SZT2: variants seen among roughly 807,000 people sequenced by gnomAD.
SZT2 encodes the protein SZT2 subunit of KICSTOR complex.
SZT2 carries 216 observed loss-of-function variants against 404.2 expected under a neutral mutation model. That is an observed-to-expected ratio of 0.53 (90% CI 0.48 to 0.60). The LOEUF is 0.60. Among genes scored for constraint, SZT2 ranks in the 20% least tolerant of loss-of-function variants. SZT2 has a pLI of 0.00. For missense variants in SZT2, 3,857 were observed against 4,459.2 expected, an observed-to-expected ratio of 0.86 and a Z score of 3.85; for synonymous variants, 1,693 against 1,749.9, an observed-to-expected ratio of 0.97 and a Z score of 0.81.
chr1:43,446,937 CT>C lies in SZT2; in HGVS notation c.9073-17del, dbSNP rs1455797455. The C allele has an allele frequency of 1.2e-6, 2 of 1,602,076 alleles. No homozygotes were observed. The highest frequency in any genetic ancestry group is 1.7e-5 in the Admixed American group (1 of 59,906). The stretch of plus-strand genomic sequence containing the variant: ...TGCAGCCATACCTTAACCCTGTCTC[CT>C]GCTGCTGCCTCCCCAGCTGTCCATG... On this transcript the variant is annotated splice_polypyrimidine_tract_variant and intron_variant, in intron 65 of 71. Transcript: ENST00000634258.
Position 43,420,669 on chromosome 1 carries a change from G to C in SZT2, c.1262-80G>C. ...GGCAGGACTGGGTTCCATGAGGTAG[G>C]TGGGGGTTTCAGATAGAACTCGATC... is the stretch of plus-strand genomic sequence containing the variant. On this transcript the variant is annotated intron_variant, in intron 9 of 71. Transcript: ENST00000634258. The surrounding 1 kb of genome is among the most constrained non-coding windows in gnomAD (Gnocchi z 5.1). 1.5e-6 allele frequency: 2 copies of C among 1,364,208 alleles called. No individual in the cohort carries two copies. The highest frequency in any genetic ancestry group is 2.5e-5 in the South Asian group (2 of 78,978). The allele number at this position is 1,364,208 out of a possible 1,614,324, so 84.5% of individuals were successfully genotyped here. A position where few individuals can be genotyped will look rare whatever the true frequency, so the allele number is the denominator to read the frequency against.
chr1:43,426,290 G>A lies in SZT2; in HGVS notation c.3044-78G>A. ...GAGGAGCCCATGAGGCTGAAGGAGG[G>A]GCCAGCTGGTCAGGGCTGAGCCGGG... On this transcript the variant is annotated intron_variant, in intron 21 of 71. Transcript: ENST00000634258. This position sits in a 1 kb window ranked among gnomAD's most constrained non-coding sequence, Gnocchi z 4.9. 6.7e-7 allele frequency: 1 copy of A among 1,499,710 alleles called. No individual in the cohort carries two copies. The highest frequency in any genetic ancestry group is 8.9e-7 in the Non-Finnish European group (1 of 1,121,976). 92.9% of individuals were successfully genotyped at this position (1,499,710 alleles called of 1,614,324 possible). A position where few individuals can be genotyped will look rare whatever the true frequency, so the allele number is the denominator to read the frequency against.
Position 43,439,241 on chromosome 1 carries a change from C to A in SZT2, c.6793-117C>A. 6.6e-7 allele frequency: 1 copy of A among 1,515,536 alleles called. No homozygotes were observed. The highest frequency in any genetic ancestry group is 9.1e-7 in the Non-Finnish European group (1 of 1,096,504). The allele number at this position is 1,515,536 out of a possible 1,614,324, so 93.9% of individuals were successfully genotyped here. A position where few individuals can be genotyped will look rare whatever the true frequency, so the allele number is the denominator to read the frequency against. ...CCCCCCGGGGACCATTATTACCCGC[C>A]TGTGTCTTCTCATGCTCCCATATCT... On this transcript the variant is annotated intron_variant, in intron 48 of 71. Transcript: ENST00000634258. The surrounding 1 kb of genome is among the most constrained non-coding windows in gnomAD (Gnocchi z 4.2).
intron 27 of SZT2, 29 bp downstream of exon 27, chr1:43,428,147 G>A (rs1230898160): frequency 6.2e-7 from 1 of 1,611,892 alleles, no homozygotes; most frequent in African/African-American, 1.3e-5. Context: ...GGAGGGAGGA[G>A]TGGGGCCCTG....
At chr1:43,443,109 C>T in intron 59 of SZT2, 23 bp downstream of exon 59, 1 of 1,611,624 alleles carries the variant, frequency 6.2e-7, no homozygotes, top group Non-Finnish European at 8.5e-7. Context: ...GGCCAGGCAG[C>T]AGGGACAGGA....
Position 43,432,321 on chromosome 1 carries a change from A to G in SZT2, c.5324A>G (p.Asp1775Gly). 1.9e-6 allele frequency: 3 copies of G among 1,602,432 alleles called. No individual in the cohort carries two copies. Among genetic ancestry groups the G allele is most frequent in the Non-Finnish European group, 2.6e-6 (3 of 1,175,246 alleles). The part of the protein sequence containing the change: ...LPGHVLLEDP[D>G]SGFFFVAAGQ... The stretch of plus-strand genomic sequence containing the variant: ...GGCCATGTTCTTCTTGAAGACCCTG[A>G]CAGTGGCTTCTTCTTTGTGGCAGCT... The change falls in exon 37 of 72, where the codon GAC (aspartate) becomes GGC (glycine). Residue 1775 changes from aspartate (D) to glycine (G), a missense_variant. Around this residue, in one of 7 missense-constraint regions of SZT2, gnomAD observed 1,725 missense variants for 1,881.0 expected, o/e 0.92. Coordinates refer to ENST00000634258, the MANE Select transcript of SZT2 (RefSeq NM_001365999.1).
chr1:43,437,862 C>T lies in SZT2; in HGVS notation c.6468C>T (p.Asp2156=). The T allele has an allele frequency of 6.2e-7, 1 of 1,614,198 alleles. No individual in the cohort carries two copies. Among genetic ancestry groups the T allele is most frequent in the Admixed American group, 1.7e-5 (1 of 60,024 alleles). The part of the protein sequence containing the change: ...SDAARPVGQV[D]RHIQLLVHGV... ...CTGCTCGTCCTGTGGGCCAAGTGGACAGACATATCCAGCTGCTGGTCCATG... is the reference window on the plus strand; with the variant it reads ...CTGCTCGTCCTGTGGGCCAAGTGGATAGACATATCCAGCTGCTGGTCCATG... Residue 2156 remains aspartate, a synonymous_variant, in exon 46 of 72, where the codon GAC becomes GAT. Transcript: ENST00000634258. The surrounding 1 kb of genome is among the most constrained non-coding windows in gnomAD (Gnocchi z 5.3).
intron 28 of SZT2, chr1:43,428,755 C>T (rs1653494686): frequency 4.3e-6 from 2 of 466,458 alleles, no homozygotes; most frequent in Non-Finnish European, 7.8e-6. Context: ...CTGGTGCTAA[C>T]CGTGAACGTA....
chr1:43,447,647 G>GA lies in SZT2; in HGVS notation c.9389_9390insA (p.Pro3131AlafsTer25). The GA allele has an allele frequency of 6.2e-7, 1 of 1,614,172 alleles. No homozygotes were observed. The highest frequency in any genetic ancestry group is 1.1e-5 in the South Asian group (1 of 91,078). On this transcript the variant is annotated frameshift_variant, in exon 67 of 72. Transcript: ENST00000634258. LOFTEE classifies it high-confidence loss of function. ...CACATGAAGCCATTGCGAATGGCCC[G>GA]GCCAGGGGGCCCAGAACACAACGAG... is the stretch of plus-strand genomic sequence containing the variant.
chr1:43,428,307 C>G lies in SZT2; in HGVS notation c.3987C>G (p.Ala1329=). ...TSQDLLTAVD[A]CEELLQEIDI... The stretch of plus-strand genomic sequence containing the variant: ...AGGATTTGCTGACAGCGGTAGATGC[C>G]TGTGAGGAGCTACTACAAGAAATAG... Residue 1329 remains alanine, a synonymous_variant, in exon 28 of 72, where the codon GCC becomes GCG. Coordinates refer to ENST00000634258, the MANE Select transcript of SZT2 (RefSeq NM_001365999.1). 1.9e-6 allele frequency: 3 copies of G among 1,614,156 alleles called. No homozygotes were observed. The East Asian group carries it at 6.7e-5, about 36-fold the overall frequency.
rs1412615345 is a variant in SZT2, at chr1:43,437,778, G to A, written c.6397-13G>A. 6.2e-7 allele frequency: 1 copy of A among 1,614,162 alleles called. No homozygotes were observed. Among genetic ancestry groups the A allele is most frequent in the Non-Finnish European group, 8.5e-7 (1 of 1,180,034 alleles). On this transcript the variant is annotated splice_polypyrimidine_tract_variant and intron_variant, in intron 45 of 71. Coordinates refer to ENST00000634258, the MANE Select transcript of SZT2 (RefSeq NM_001365999.1). The surrounding 1 kb of genome is among the most constrained non-coding windows in gnomAD (Gnocchi z 5.3). ...CTCTGGAACCGGGGCCCTGACCACA[G>A]TTTTCCCTGTAGGGTCCTCGTTCTC...
In SZT2 at chr1:43,430,633, G is replaced by A. The variant is rs1057520164; in HGVS notation, c.4618G>A (p.Asp1540Asn). The change falls in exon 32 of 72, where the codon GAT becomes AAT. Residue 1540 changes from aspartate to asparagine, a missense_variant. Physicochemically the swap from Asp to Asn is conservative, Grantham distance 23 (BLOSUM62 1). Around this residue, in one of 7 missense-constraint regions of SZT2, gnomAD observed 1,725 missense variants for 1,881.0 expected, o/e 0.92. Transcript: ENST00000634258. ...SLSDVDTVNP[D>N]EDSFSILGGD... ...GTCAGACGTAGACACTGTGAATCCT[G>A]ATGAAGACTCCTTCAGTATCTTGGG... 3 of 1,614,228 alleles carry A rather than the reference G, an allele frequency of 1.9e-6. No individual in the cohort carries two copies. The highest frequency in any genetic ancestry group is 1.3e-5 in the African/African-American group (1 of 75,056).
Position 43,424,368 on chromosome 1 carries a change from C to CCGTCAGGACTGGCCCCTG in SZT2, c.2410_2427dup (p.Ser804_Ala809dup). On this transcript the variant is annotated inframe_insertion, in exon 16 of 72. Coordinates refer to ENST00000634258, the MANE Select transcript of SZT2 (RefSeq NM_001365999.1). This position sits in a 1 kb window ranked among gnomAD's most constrained non-coding sequence, Gnocchi z 4.1. Reference sequence around the variant, plus strand: ...CCATCAGCGCTGGCTTTGGAGTGTCCCGTCAGGACTGGCCCCTGCGCTGCC... The same window carrying CCGTCAGGACTGGCCCCTG: ...CCATCAGCGCTGGCTTTGGAGTGTCCCGTCAGGACTGGCCCCTGCGTCAGGACTGGCCCCTGCGCTGCC... The CCGTCAGGACTGGCCCCTG allele has an allele frequency of 6.3e-7, 1 of 1,598,060 alleles. No homozygotes were observed. Among genetic ancestry groups the CCGTCAGGACTGGCCCCTG allele is most frequent in the East Asian group, 2.2e-5 (1 of 44,878 alleles).
chr1:43,431,527 A>C lies in SZT2; in HGVS notation c.5088+4A>C, dbSNP rs1653875743. The C allele has an allele frequency of 6.2e-7, 1 of 1,614,064 alleles. No homozygotes were observed. The highest frequency in any genetic ancestry group is 8.5e-7 in the Non-Finnish European group (1 of 1,179,944). ...TATTGAGACCACCATGAATGAGGTG[A>C]GCCCCCCACCCCCAACACTGTAACT... On this transcript the variant is annotated splice_donor_region_variant and intron_variant, in intron 35 of 71. Coordinates refer to ENST00000634258, the MANE Select transcript of SZT2 (RefSeq NM_001365999.1).
At position 43,443,630 on chromosome 1, in the gene SZT2, C is replaced by G. The variant is rs200178393; in HGVS notation, c.8659C>G (p.Arg2887Gly). 1 of 1,614,180 alleles carries G rather than the reference C, an allele frequency of 6.2e-7. No individual in the cohort carries two copies. The highest frequency in any genetic ancestry group is 1.3e-5 in the African/African-American group (1 of 75,056). The part of the protein sequence containing the change: ...RHRPESGSGS[R>G]EAPTSCESLD... ...TCGCCCTGAGTCAGGGTCTGGGAGCCGAGAGGCCCCCACAAGCTGTGAATC... is the reference window on the plus strand; with the variant it reads ...TCGCCCTGAGTCAGGGTCTGGGAGCGGAGAGGCCCCCACAAGCTGTGAATC... Residue 2887 changes from arginine to glycine, a missense_variant, in exon 62 of 72, where the codon CGA (arginine) becomes GGA (glycine). Arg to Gly is a moderately radical substitution (Grantham distance 125). Transcript: ENST00000634258.
At chr1:43,445,601 C>T (rs1655569805) in intron 62 of SZT2, 1 of 465,060 alleles carries the variant, frequency 2.2e-6, no homozygotes, top group Non-Finnish European at 3.9e-6. Flanking sequence ...GCATCACCTT[C>T]CCCCTTCTCT....
Position 43,453,359 on chromosome 1 carries a change from G to T in SZT2, c.*2879G>T. On this transcript the variant is annotated 3_prime_UTR_variant, in exon 72 of 72. Transcript: ENST00000634258. The stretch of plus-strand genomic sequence containing the variant: ...CCTGCATCAGGGTCATGGGTCACAG[G>T]GGTGGGGGTGGGGTGGAGCGGGGTA... 1 of 1,451,794 alleles carries T rather than the reference G, an allele frequency of 6.9e-7. No individual in the cohort carries two copies. Among genetic ancestry groups the T allele is most frequent in the East Asian group, 2.5e-5 (1 of 40,292 alleles). The allele number at this position is 1,451,794 out of a possible 1,614,324, so 89.9% of individuals were successfully genotyped here. A position where few individuals can be genotyped will look rare whatever the true frequency, so the allele number is the denominator to read the frequency against.
chr1:43,447,966 T>C lies in SZT2; in HGVS notation c.9558T>C (p.Val3186=), dbSNP rs1321226637. 6.2e-7 allele frequency: 1 copy of C among 1,613,906 alleles called. No homozygotes were observed. Among genetic ancestry groups the C allele is most frequent in the South Asian group, 1.1e-5 (1 of 91,060 alleles). Residue 3186 remains valine (V), a synonymous_variant, in exon 68 of 72, where the codon GTT becomes GTC. Transcript: ENST00000634258. ...AGCAAGGAGAGGCTGAGCGGCACGT[T>C]CTGCGGTCAGCAGATCCCCTACCTT... is the stretch of plus-strand genomic sequence containing the variant. ...FEEQGEAERH[V]LRLQFFVVLT... is the part of the protein sequence containing the mutation.
At position 43,447,571 on chromosome 1, in the gene SZT2, A is replaced by G. The variant is rs1655830206; in HGVS notation, c.9313A>G (p.Ile3105Val). The G allele has an allele frequency of 6.2e-7, 1 of 1,614,040 alleles. No individual in the cohort carries two copies. Among genetic ancestry groups the G allele is most frequent in the Non-Finnish European group, 8.5e-7 (1 of 1,180,016 alleles). The change falls in exon 67 of 72, where the codon ATT (isoleucine) becomes GTT (valine). Residue 3105 changes from isoleucine to valine, a missense_variant. By Grantham distance (29) the Ile-to-Val change is conservative. Transcript: ENST00000634258. ...GACATTGGAGCTCCCCACACCACTC[A>G]TTGCTGCCCACCAGCTATACAACTA... is the stretch of plus-strand genomic sequence containing the variant. Reference protein sequence around the residue: ...QGTLELPTPLIAAHQLYNYVA... With the variant: ...QGTLELPTPLVAAHQLYNYVA...
Sources: allele counts gnomAD v4.1 joint callset, GRCh38; gene constraint gnomAD v4.1.1; regional missense constraint gnomAD v4.1.1; non-coding constraint Gnocchi (gnomAD v3.1); transcripts MANE v1.5; gene names NCBI Gene and HGNC (gene_info 2026-07-23, HGNC 2026-07-21).